MYO5B: variants seen among roughly 807,000 people sequenced by gnomAD.
MYO5B encodes the protein myosin VB, also known as unconventional myosin-Vb.
A neutral mutation model predicts 229.3 loss-of-function variants in MYO5B; 143 were observed. The observed-to-expected ratio is 0.62, with a 90% CI of 0.54 to 0.72. MYO5B has a LOEUF of 0.72. Ranked by LOEUF, MYO5B falls within the 30% of genes least tolerant of loss-of-function variation. The pLI, the probability that MYO5B is intolerant of heterozygous loss-of-function variation, is 0.00. For synonymous variants in MYO5B, 918 were observed against 885.2 expected (o/e 1.04, Z -0.66); for missense variants, 2,321 against 2,331.0 (o/e 1.00, Z 0.09).
At chr18:49,959,816 G>A (rs1342817594) in intron 12 of MYO5B, among the ~76,000 whole-genome samples, 1 of 152,188 alleles carries the variant, frequency 6.6e-6, no homozygotes, top group Non-Finnish European at 1.5e-5. Context: ...GGGCTGGTGG[G>A]CACCTACTCC....
At position 50,188,694 on chromosome 18, in the gene MYO5B, G is replaced by A. The variant is rs572542715; in HGVS notation, c.27+6073C>T. 7.9e-5 allele frequency among the ~76,000 whole-genome samples: 12 copies of A among 150,976 alleles called. No homozygotes were observed. In the South Asian group the frequency reaches 1.3e-3, roughly 16 times the overall value. On this transcript the variant is annotated intron_variant, in intron 1 of 39. Transcript: ENST00000285039. Reference sequence around the variant, plus strand: ...CCCAGATACTCAGGAGGCTGAGGCCGCAGAATCACTCGAACCCAGGAGGCA... The same window carrying A: ...CCCAGATACTCAGGAGGCTGAGGCCACAGAATCACTCGAACCCAGGAGGCA...
At chr18:50,038,443 G>T (rs1464504340) in intron 3 of MYO5B, among the ~76,000 whole-genome samples, 1 of 152,206 alleles carries the variant, frequency 6.6e-6, no homozygotes, top group Admixed American at 6.5e-5. Flanking sequence ...TGCCTGAAAA[G>T]ACCAAAATAT....
At chr18:50,009,911 C>T (rs2026144463) in intron 4 of MYO5B, among the ~76,000 whole-genome samples, 1 of 152,164 alleles carries the variant, frequency 6.6e-6, no homozygotes, top group African/African-American at 2.4e-5. Flanking sequence ...AAGGACTGAG[C>T]AGGTCCTGGG....
At chr18:50,165,889 G>T (rs77372033) in intron 1 of MYO5B, among the ~76,000 whole-genome samples, 5 of 152,174 alleles carry the variant, frequency 3.3e-5, no homozygotes, top group Admixed American at 3.3e-4. Context: ...TCCTTCCCCA[G>T]GATCACATTC....
rs1179868986 is a variant in MYO5B, at chr18:49,906,594, A to T, written c.2239T>A (p.Phe747Ile). ...TAGGCCACCTGGCCTGCTCGAAAGA[A>T]GATCTTGGTGCGGCCAAACTGGAAC... is the stretch of plus-strand genomic sequence containing the variant. The part of the protein sequence containing the change: ...DKFQFGRTKI[F>I]FRAGQVAYLE... The change falls in exon 19 of 40, where the codon TTC (phenylalanine) becomes ATC (isoleucine). Residue 747 changes from phenylalanine (F) to isoleucine (I), a missense_variant. Physicochemically the swap from Phe to Ile is conservative, Grantham distance 21. Transcript: ENST00000285039. 1.9e-6 allele frequency: 3 copies of T among 1,614,034 alleles called. No individual in the cohort carries two copies. The highest frequency in any genetic ancestry group is 2.5e-6 in the Non-Finnish European group (3 of 1,180,048).
chr18:50,158,120 A>G (rs1350850591), intron 1 of MYO5B, among the ~76,000 whole-genome samples: 1 of 152,236 alleles, frequency 6.6e-6, no homozygotes, highest in Non-Finnish European at 1.5e-5. Flanking sequence ...TACAGGGACC[A>G]GGAGAGAGGG....
chr18:50,193,426 C>A (rs1027112285), intron 1 of MYO5B, among the ~76,000 whole-genome samples: 2 of 152,254 alleles, frequency 1.3e-5, no homozygotes, highest in Non-Finnish European at 1.5e-5. Flanking sequence ...GAACTCATCC[C>A]GGCCCTGCTC....
chr18:49,829,590 C>G (rs1464922443), intron 39 of MYO5B, among the ~76,000 whole-genome samples: 1 of 152,302 alleles, frequency 6.6e-6, no homozygotes, highest in East Asian at 1.9e-4. Flanking sequence ...CACACTTTAA[C>G]TCATTCTATG....
At chr18:49,992,467 A>G (rs775293651) in intron 5 of MYO5B, 36 bp from the exon 6 acceptor site, 6 of 1,614,088 alleles carry the variant, frequency 3.7e-6, no homozygotes, top group Non-Finnish European at 4.2e-6. Flanking sequence ...ATGAAAAAAA[A>G]AGAGGGCTTT....
intron 8 of MYO5B, among the ~76,000 whole-genome samples, chr18:49,981,398 T>C (rs1030463157): frequency 1.3e-5 from 2 of 152,186 alleles, no homozygotes; most frequent in African/African-American, 4.8e-5. Flanking sequence ...TAAAAAACAG[T>C]AACACCTGTA....
intron 2 of MYO5B, among the ~76,000 whole-genome samples, chr18:50,049,724 A>T (rs187346887): frequency 8.4e-4 from 128 of 152,342 alleles, no homozygotes; most frequent in Middle Eastern, 6.8e-3. Flanking sequence ...CTGTGCCCAG[A>T]CATTGCCAAA....
Position 49,837,759 on chromosome 18 carries a change from A to T in MYO5B, c.4896T>A (p.Gly1632=), listed in dbSNP as rs1412256860. 1 of 1,614,082 alleles carries T rather than the reference A, an allele frequency of 6.2e-7. No individual in the cohort carries two copies. The highest frequency in any genetic ancestry group is 8.5e-7 in the Non-Finnish European group (1 of 1,180,032). ...LENESIQGLS[G]VKPTGYRKRS... is the part of the protein sequence containing the mutation. ...GCTTCCGGTAGCCGGTGGGCTTCAC[A>T]CCAGATAGACCCTGAATGCTCTCAT... The change falls in exon 37 of 40, where the codon GGT becomes GGA. Residue 1632 remains glycine, a synonymous_variant. Coordinates refer to ENST00000285039, the MANE Select transcript of MYO5B (RefSeq NM_001080467.3).
chr18:50,119,378 C>T (rs913704330), intron 1 of MYO5B, among the ~76,000 whole-genome samples: 20 of 152,212 alleles, frequency 1.3e-4, no homozygotes, highest in Admixed American at 2.6e-4. Context: ...GTTTTCTCTC[C>T]TCACTCATTA....
chr18:50,071,571 T>C (rs1333675508), intron 1 of MYO5B, among the ~76,000 whole-genome samples: 2 of 152,210 alleles, frequency 1.3e-5, no homozygotes, highest in African/African-American at 4.8e-5. Context: ...CACAGGGCTG[T>C]CACCAGCTCG....
chr18:49,917,478 ACCATGGTTTGTAAACGTTTACTCCAG>A (rs2025029951), intron 17 of MYO5B, among the ~76,000 whole-genome samples: 1 of 38,614 alleles, frequency 2.6e-5, no homozygotes, highest in Admixed American at 1.9e-4. Context: ...TTTACTCCAG[ACCATGGTTTGTAAACGTTTACTCCAG>A]AAGAACAGGA....
chr18:50,038,031 T>C (rs545237329), intron 3 of MYO5B, among the ~76,000 whole-genome samples: 3 of 152,342 alleles, frequency 2.0e-5, no homozygotes, highest in African/African-American at 4.8e-5. Context: ...ATGGACTCAG[T>C]AAATACATGT....
intron 1 of MYO5B, among the ~76,000 whole-genome samples, chr18:50,188,889 A>G (rs1000030308): frequency 7.3e-5 from 11 of 151,562 alleles, no homozygotes; most frequent in Non-Finnish European, 1.6e-4. Flanking sequence ...GGCCATTGGA[A>G]TATGCCACAT....
intron 14 of MYO5B, 27 bp from the exon 15 acceptor site, chr18:49,937,424 G>T (rs2025263878): frequency 1.2e-6 from 2 of 1,611,918 alleles, no homozygotes; most frequent in African/African-American, 1.3e-5. Flanking sequence ...GAAGAATGAT[G>T]AAAGTGACAT....
At chr18:50,130,008 G>C (rs1218891108) in intron 1 of MYO5B, among the ~76,000 whole-genome samples, 1 of 152,112 alleles carries the variant, frequency 6.6e-6, no homozygotes, top group Non-Finnish European at 1.5e-5. Flanking sequence ...GAGCAGTGCA[G>C]CTCAGAGCTC....
Sources: allele counts gnomAD v4.1 joint callset (sites outside exome capture counted in the v4.1 genomes callset), GRCh38; gene constraint gnomAD v4.1.1; transcripts MANE v1.5; gene names NCBI Gene and HGNC (gene_info 2026-07-23, HGNC 2026-07-21).